CIRBP: variants seen among roughly 807,000 people sequenced by gnomAD.
CIRBP encodes cold-inducible RNA-binding protein.
In CIRBP, 11 loss-of-function variants were observed where a neutral mutation model predicts 22.3. The ratio of observed to expected loss-of-function variants is 0.49; its 90% CI spans 0.31 to 0.82. The LOEUF is 0.82. Among genes scored for constraint, CIRBP ranks in the 40% least tolerant of loss-of-function variants. The pLI, the probability that CIRBP is intolerant of heterozygous loss-of-function variation, is 0.05. For synonymous variants in CIRBP, 216 were observed against 158.8 expected, an observed-to-expected ratio of 1.36 and a Z score of -2.71; for missense variants, 456 against 402.7, an observed-to-expected ratio of 1.13 and a Z score of -1.13.
intron 1 of CIRBP, among the ~76,000 whole-genome samples, chr19:1,270,433 C>T (rs2081319853): frequency 6.6e-6 from 1 of 152,112 alleles, no homozygotes; most frequent in Non-Finnish European, 1.5e-5. Flanking sequence ...TGCGGCCTGC[C>T]TTCAGTCTTG....
chr19:1,270,292 A>T, intron 1 of CIRBP: 1 of 363,572 alleles, frequency 2.8e-6, no homozygotes, highest in Non-Finnish European at 5.5e-6. Flanking sequence ...TGGTCCAGCA[A>T]CAAGTAGATG....
rs571320043 is a variant in CIRBP, at chr19:1,273,708, A to T, written c.*1265A>T. 1 of 152,302 alleles carries T rather than the reference A, an allele frequency of 6.6e-6. No homozygotes were observed. The highest frequency in any genetic ancestry group is 1.9e-4 in the East Asian group (1 of 5,190). The allele number at this position is 152,302 out of a possible 1,614,324, so 9.4% of individuals were successfully genotyped here. The stretch of plus-strand genomic sequence containing the variant: ...AGCTCATATGTGGAAATAGCCCTGT[A>T]ATTCGAGGTAACTCCTTCCGCTCGT... On this transcript the variant is annotated 3_prime_UTR_variant, in exon 6 of 6. Transcript: ENST00000587896.
rs532271074 is a variant in CIRBP, at chr19:1,274,753, C to G, written c.*2310C>G. The G allele has an allele frequency of 6.3e-6, 1 of 158,618 alleles. No individual in the cohort carries two copies. The highest frequency in any genetic ancestry group is 2.4e-5 in the African/African-American group (1 of 41,712). The allele number at this position is 158,618 out of a possible 1,614,324, so 9.8% of individuals were successfully genotyped here. On this transcript the variant is annotated 3_prime_UTR_variant, in exon 6 of 6. Coordinates refer to ENST00000587896, the MANE Select transcript of CIRBP (RefSeq NM_001300829.2). ...CGGGGCGGCCAGTCCTTGCCCACAA[C>G]GATGTGGAGCCCTGTGAAAGTCGGA...
chr19:1,272,877 A>T lies in CIRBP; in HGVS notation c.*434A>T, dbSNP rs2081366390. On this transcript the variant is annotated 3_prime_UTR_variant, in exon 6 of 6. Transcript: ENST00000587896. Reference sequence around the variant, plus strand: ...TCCGCTCTTTGTCGGAAGCTGAGCAAGCTGTGGCTTTTTTCCAACTCCGTG... The same window carrying T: ...TCCGCTCTTTGTCGGAAGCTGAGCATGCTGTGGCTTTTTTCCAACTCCGTG... The T allele has an allele frequency of 6.2e-6, 1 of 160,370 alleles. No individual in the cohort carries two copies. Among genetic ancestry groups the T allele is most frequent in the Non-Finnish European group, 1.4e-5 (1 of 73,048 alleles). 9.9% of individuals were successfully genotyped at this position (160,370 alleles called of 1,614,324 possible). A position where few individuals can be genotyped will look rare whatever the true frequency, so the allele number is the denominator to read the frequency against.
chr19:1,270,881 T>G, intron 1 of CIRBP, 47 bp from the exon 2 acceptor site: 1 of 1,136,480 alleles, frequency 8.8e-7, no homozygotes, highest in Non-Finnish European at 1.3e-6. Context: ...CGGGGAGAGG[T>G]GGTGAGAGAT....
At position 1,272,629 on chromosome 19, in the gene CIRBP, T is replaced by C; in HGVS notation, c.*186T>C. The C allele has an allele frequency of 2.0e-6, 1 of 492,556 alleles. No homozygotes were observed. Among genetic ancestry groups the C allele is most frequent in the South Asian group, 4.5e-5 (1 of 22,268 alleles). The allele number at this position is 492,556 out of a possible 1,614,324, so 30.5% of individuals were successfully genotyped here. A position where few individuals can be genotyped will look rare whatever the true frequency, so the allele number is the denominator to read the frequency against. On this transcript the variant is annotated 3_prime_UTR_variant, in exon 6 of 6. Coordinates refer to ENST00000587896, the MANE Select transcript of CIRBP (RefSeq NM_001300829.2). ...GCCGGGATGGCCTCGTTACTAGACT[T>C]TTCTTTTTAAGGAAGTGCTGTTTTT...
chr19:1,271,694 T>A, intron 5 of CIRBP, 62 bp downstream of exon 5: 1 of 1,087,656 alleles, frequency 9.2e-7, no homozygotes, highest in Non-Finnish European at 1.3e-6. Flanking sequence ...CCGTCCCGGG[T>A]CCCAGGTCCC....
chr19:1,272,160 G>A lies in CIRBP; in HGVS notation c.611G>A (p.Cys204Tyr). ...GGCTGGACACTCAGACCTTGTCACT[G>A]TGCTTGCCCAGAAGAGGCGCATCTG... ...TLGWTLRPCH[C>Y]ACPEEAHLSS... The change falls in exon 6 of 6, where the codon TGT becomes TAT. Residue 204 changes from cysteine (C) to tyrosine (Y), a missense_variant. This residue lies in a region of CIRBP where 426 missense variants were observed against 339.6 expected (regional missense o/e 1.25). Transcript: ENST00000587896. The A allele has an allele frequency of 5.6e-6, 9 of 1,609,132 alleles. No homozygotes were observed. The highest frequency in any genetic ancestry group is 4.5e-5 in the East Asian group (2 of 44,800).
intron 1 of CIRBP, chr19:1,270,101 C>G (rs375258492): frequency 2.0e-4 from 105 of 519,558 alleles, no homozygotes; most frequent in African/African-American, 1.8e-3. Context: ...AATGCCACTT[C>G]CCCTGCCTGG....
chr19:1,272,302 A>G lies in CIRBP; in HGVS notation c.753A>G (p.Pro251=), dbSNP rs1354015129. ...CTAGGTGCATGTGTGGCCGCAGGCC[A>G]GCCTCCCTCGGCTGTGGGGGGTGGT... The part of the protein sequence containing the change: ...QSARCMCGRR[P]ASLGCGGWLL... The change falls in exon 6 of 6, where the codon CCA becomes CCG. Residue 251 remains proline (P), a synonymous_variant. Transcript: ENST00000587896. 6 of 1,613,502 alleles carry G rather than the reference A, an allele frequency of 3.7e-6. No homozygotes were observed. In the African/African-American group the frequency reaches 4.0e-5, roughly 11 times the overall value.
rs1568841994 is a variant in CIRBP, at chr19:1,274,602, C to CGCCTGGAGCCCG, written c.*2159_*2160insGCCTGGAGCCCG. 3.2e-6 allele frequency: 1 copy of CGCCTGGAGCCCG among 310,274 alleles called. No homozygotes were observed. The highest frequency in any genetic ancestry group is 2.2e-5 in the African/African-American group (1 of 46,370). 19.2% of individuals were successfully genotyped at this position (310,274 alleles called of 1,614,324 possible). A position where few individuals can be genotyped will look rare whatever the true frequency, so the allele number is the denominator to read the frequency against. On this transcript the variant is annotated 3_prime_UTR_variant, in exon 6 of 6. Coordinates refer to ENST00000587896, the MANE Select transcript of CIRBP (RefSeq NM_001300829.2). The stretch of plus-strand genomic sequence containing the variant: ...GCGCCTCCCGGGAGCGCCGGGTCCC[C>CGCCTGGAGCCCG]CGCCTGGAGCCCGCGCCTGTTCTCC...
Position 1,271,394 on chromosome 19 carries a change from G to A in CIRBP, c.276G>A (p.Gly92=), listed in dbSNP as rs1210759890. Residue 92 remains glycine (G), a synonymous_variant, in exon 4 of 6, where the codon GGG becomes GGA. Transcript: ENST00000587896. ...AGKSSDNRSR[G]YRGGSAGGRG... Reference sequence around the variant, plus strand: ...AGTCGTCAGACAACCGATCCCGTGGGTACCGTGGTGGCTCTGCCGGGGGCC... The same window carrying A: ...AGTCGTCAGACAACCGATCCCGTGGATACCGTGGTGGCTCTGCCGGGGGCC... 4 of 1,613,898 alleles carry A rather than the reference G, an allele frequency of 2.5e-6. No homozygotes were observed. The highest frequency in any genetic ancestry group is 2.5e-6 in the Non-Finnish European group (3 of 1,180,006).
chr19:1,271,126 T>C lies in CIRBP; in HGVS notation c.104-14T>C. ...CAGCTGGGTGCTGACTGCAGACCTC[T>C]CTCCCCTGCACAGTGGTGGTTGTGA... On this transcript the variant is annotated splice_polypyrimidine_tract_variant and intron_variant, in intron 2 of 5. Coordinates refer to ENST00000587896, the MANE Select transcript of CIRBP (RefSeq NM_001300829.2). 6.2e-7 allele frequency: 1 copy of C among 1,612,936 alleles called. No individual in the cohort carries two copies. Among genetic ancestry groups the C allele is most frequent in the Non-Finnish European group, 8.5e-7 (1 of 1,179,050 alleles).
At position 1,272,396 on chromosome 19, in the gene CIRBP, C is replaced by A; in HGVS notation, c.847C>A (p.Pro283Thr). The change falls in exon 6 of 6, where the codon CCT (proline) becomes ACT (threonine). Residue 283 changes from proline (P) to threonine (T), a missense_variant. Physicochemically the swap from Pro to Thr is conservative, Grantham distance 38. Coordinates refer to ENST00000587896, the MANE Select transcript of CIRBP (RefSeq NM_001300829.2). ...GAAGCTGCCTCTTGTTGCTTCGGTG[C>A]CTTTACACTGTGCCTGCTTCTTGTC... is the stretch of plus-strand genomic sequence containing the variant. ...GVKLPLVASV[P>T]LHCACFLSSA... The A allele has an allele frequency of 6.3e-7, 1 of 1,586,684 alleles. No individual in the cohort carries two copies.
chr19:1,269,754 G>GC (rs924926728), intron 1 of CIRBP: 3 of 405,504 alleles, frequency 7.4e-6, no homozygotes, highest in East Asian at 6.5e-5. Flanking sequence ...GCCACGTGGC[G>GC]CCCCCGGTCT....
intron 5 of CIRBP, 45 bp downstream of exon 5, chr19:1,271,677 C>T (rs1225781191): frequency 5.7e-6 from 7 of 1,235,162 alleles, no homozygotes; most frequent in Admixed American, 2.3e-5. Context: ...TGCGGGATGG[C>T]CAGCTTCCGT....
At chr19:1,271,749 G>A in intron 5 of CIRBP, 117 bp downstream of exon 5, 1 of 761,682 alleles carries the variant, frequency 1.3e-6, no homozygotes. Context: ...GCAGAGGCAG[G>A]TGGGGACCCA....
chr19:1,274,380 G>A lies in CIRBP; in HGVS notation c.*1937G>A, dbSNP rs910814336. 1 of 400,902 alleles carries A rather than the reference G, an allele frequency of 2.5e-6. No homozygotes were observed. The highest frequency in any genetic ancestry group is 2.1e-5 in the African/African-American group (1 of 48,722). 24.8% of individuals were successfully genotyped at this position (400,902 alleles called of 1,614,324 possible). A position where few individuals can be genotyped will look rare whatever the true frequency, so the allele number is the denominator to read the frequency against. ...GATGACCTCTGGGGTCACTGTCCCA[G>A]GAGGGACTTCACCTGGAACAAGAGC... On this transcript the variant is annotated 3_prime_UTR_variant, in exon 6 of 6. Coordinates refer to ENST00000587896, the MANE Select transcript of CIRBP (RefSeq NM_001300829.2).
chr19:1,271,966 TTGTC>T lies in CIRBP; in HGVS notation c.432-9_432-6del, dbSNP rs754370762. On this transcript the variant is annotated splice_polypyrimidine_tract_variant and intron_variant, in intron 5 of 5. Coordinates refer to ENST00000587896, the MANE Select transcript of CIRBP (RefSeq NM_001300829.2). Reference sequence around the variant, plus strand: ...ACGGGTACCTTCCGGTACTCAACGTTTGTCTGTCTTGCAGCCGGAGTCAGAGTGG... The same window carrying T: ...ACGGGTACCTTCCGGTACTCAACGTTTGTCTTGCAGCCGGAGTCAGAGTGG... 2.5e-6 allele frequency: 4 copies of T among 1,600,464 alleles called. No individual in the cohort carries two copies. Among genetic ancestry groups the T allele is most frequent in the African/African-American group, 2.7e-5 (2 of 74,770 alleles).
Sources: allele counts gnomAD v4.1 joint callset (sites outside exome capture counted in the v4.1 genomes callset), GRCh38; gene constraint gnomAD v4.1.1; regional missense constraint gnomAD v4.1.1; transcripts MANE v1.5; gene names NCBI Gene and HGNC (gene_info 2026-07-23, HGNC 2026-07-21).